GOLGA5: variants seen among roughly 807,000 people sequenced by gnomAD.
GOLGA5 encodes golgin A5.
A neutral mutation model predicts 93.5 loss-of-function variants in GOLGA5; 50 were observed. The observed-to-expected ratio is 0.53, with a 90% CI of 0.43 to 0.68. The LOEUF (loss-of-function observed/expected upper bound fraction) is 0.68. Among genes scored for constraint, GOLGA5 ranks in the 30% least tolerant of loss-of-function variants. GOLGA5 has a pLI of 0.00. For synonymous variants in GOLGA5, 312 were observed against 304.5 expected (o/e 1.02, Z -0.26); for missense variants, 760 against 856.4 (o/e 0.89, Z 1.40).
intron 2 of GOLGA5, among the ~76,000 whole-genome samples, chr14:92,799,667 C>T (rs993176147): frequency 1.3e-5 from 2 of 151,798 alleles, no homozygotes; most frequent in African/African-American, 2.4e-5. Context: ...AGTGCAGTGA[C>T]GCGATCTTAG....
At position 92,831,873 on chromosome 14, in the gene GOLGA5, A is replaced by T. The variant is rs888229325; in HGVS notation, c.1720-1249A>T. On this transcript the variant is annotated intron_variant, in intron 9 of 12. Coordinates refer to ENST00000163416, the MANE Select transcript of GOLGA5 (RefSeq NM_005113.4). ...ACAGGTACCATATTAGGTGTTTTAT[A>T]TGTTAATTTAAGTAAGCATCATATC... is the stretch of plus-strand genomic sequence containing the variant. 2.6e-5 allele frequency among the ~76,000 whole-genome samples: 4 copies of T among 152,316 alleles called. No homozygotes were observed. In the South Asian group the frequency reaches 8.3e-4, roughly 32 times the overall value.
In GOLGA5 at chr14:92,839,556, T is replaced by C; in HGVS notation, c.*110T>C. ...ACAGTGCACAAGATTATTTTATCAC[T>C]ACAAGCTTTTAACTTTTTAAGTTAT... On this transcript the variant is annotated 3_prime_UTR_variant, in exon 13 of 13. Coordinates refer to ENST00000163416, the MANE Select transcript of GOLGA5 (RefSeq NM_005113.4). 1 of 672,674 alleles carries C rather than the reference T, an allele frequency of 1.5e-6. No individual in the cohort carries two copies. The highest frequency in any genetic ancestry group is 2.6e-6 in the Non-Finnish European group (1 of 379,366). 41.7% of individuals were successfully genotyped at this position (672,674 alleles called of 1,614,324 possible).
chr14:92,812,971 G>C (rs1454195064), intron 6 of GOLGA5, among the ~76,000 whole-genome samples: 24 of 152,150 alleles, frequency 1.6e-4, no homozygotes, highest in Non-Finnish European at 4.4e-5. Context: ...GCTGCCTACT[G>C]TGCAGGCATG....
intron 2 of GOLGA5, among the ~76,000 whole-genome samples, chr14:92,798,196 A>G (rs1884780752): frequency 6.6e-6 from 1 of 152,186 alleles, no homozygotes; most frequent in African/African-American, 2.4e-5. Flanking sequence ...TCTGGAGGGC[A>G]ACTTCACCCA....
Position 92,797,876 on chromosome 14 carries a change from A to G in GOLGA5, c.439A>G (p.Thr147Ala). Residue 147 changes from threonine (T) to alanine (A), a missense_variant, in exon 2 of 13, where the codon ACA becomes GCA. By Grantham distance (58) the Thr-to-Ala change is moderately conservative. Transcript: ENST00000163416. ...RVEIRKEKGK[T>A]PVFQSSQTSS... ...GGAAATCAGAAAGGAAAAAGGCAAG[A>G]CACCTGTCTTTCAGAGCTCTCAGAC... 1 of 1,612,866 alleles carries G rather than the reference A, an allele frequency of 6.2e-7. No homozygotes were observed.
At chr14:92,798,642 G>T (rs577529278) in intron 2 of GOLGA5, among the ~76,000 whole-genome samples, 1 of 152,234 alleles carries the variant, frequency 6.6e-6, no homozygotes, top group South Asian at 2.1e-4. Context: ...TAGGCTGGGC[G>T]TGGTGGCTTA....
At position 92,830,800 on chromosome 14, in the gene GOLGA5, A is replaced by AT. The variant is rs1222226868; in HGVS notation, c.1720-2321dup. Among the ~76,000 whole-genome samples the AT allele has an allele frequency of 3.9e-5, 6 of 152,074 alleles. No individual in the cohort carries two copies. In the East Asian group the frequency reaches 1.2e-3, roughly 29 times the overall value. ...TTTTTTGTAGAGGTGGGGTCTTATT[A>AT]TGTTGCCCAAGCTGGTTTTGAACTC... On this transcript the variant is annotated intron_variant, in intron 9 of 12. Coordinates refer to ENST00000163416, the MANE Select transcript of GOLGA5 (RefSeq NM_005113.4).
At chr14:92,798,443 G>A (rs1483364540) in intron 2 of GOLGA5, among the ~76,000 whole-genome samples, 1 of 152,176 alleles carries the variant, frequency 6.6e-6, no homozygotes, top group East Asian at 1.9e-4. Flanking sequence ...CTGAGAGACT[G>A]AACTTTGATC....
In GOLGA5 at chr14:92,798,070, T is replaced by C. The variant is rs759991894; in HGVS notation, c.544+89T>C. The C allele has an allele frequency of 7.4e-5, 65 of 882,174 alleles. 2 individuals are homozygous for C. Among genetic ancestry groups the C allele is most frequent in the East Asian group, 6.0e-4 (25 of 41,484 alleles). The allele number at this position is 882,174 out of a possible 1,614,324, so 54.6% of individuals were successfully genotyped here. A position where few individuals can be genotyped will look rare whatever the true frequency, so the allele number is the denominator to read the frequency against. ...CGATGGTGTTTCTCATCTACTGTTA[T>C]GGAATCTGTCTCCACTGGTGTAAGG... is the stretch of plus-strand genomic sequence containing the variant. On this transcript the variant is annotated intron_variant, in intron 2 of 12. Transcript: ENST00000163416.
intron 3 of GOLGA5, among the ~76,000 whole-genome samples, chr14:92,807,779 T>G (rs776278398): frequency 2.1e-4 from 31 of 147,222 alleles, no homozygotes; most frequent in Non-Finnish European, 3.9e-4. Context: ...AGGTAGTGAC[T>G]GAGGAAGATG....
intron 9 of GOLGA5, among the ~76,000 whole-genome samples, chr14:92,830,135 A>G (rs1055961057): frequency 2.6e-5 from 4 of 152,166 alleles, no homozygotes; most frequent in Non-Finnish European, 5.9e-5. Context: ...CCTGACCAAC[A>G]TGGTGAAACC....
chr14:92,810,984 C>T (rs1447388067), intron 5 of GOLGA5, among the ~76,000 whole-genome samples: 6 of 152,204 alleles, frequency 3.9e-5, no homozygotes, highest in Non-Finnish European at 8.8e-5. Context: ...AGCTTTTCAA[C>T]AGGTGAAAGT....
At chr14:92,838,755 T>C (rs935844839) in intron 12 of GOLGA5, among the ~76,000 whole-genome samples, 4 of 151,960 alleles carry the variant, frequency 2.6e-5, no homozygotes, top group African/African-American at 9.7e-5. Flanking sequence ...CCCAGAGGGG[T>C]TGATTTCCCA....
intron 8 of GOLGA5, among the ~76,000 whole-genome samples, chr14:92,824,048 T>G (rs2140329425): frequency 6.6e-6 from 1 of 152,288 alleles, no homozygotes; most frequent in African/African-American, 2.4e-5. Context: ...TTTTATATAT[T>G]GTTTTATATT....
intron 2 of GOLGA5, among the ~76,000 whole-genome samples, chr14:92,804,837 AG>A (rs1884950094): frequency 6.6e-6 from 1 of 151,646 alleles, no homozygotes; most frequent in South Asian, 2.1e-4. Flanking sequence ...TAGTAGAAAC[AG>A]GGTTTCACTA....
chr14:92,797,829 A>G lies in GOLGA5; in HGVS notation c.392A>G (p.Gln131Arg). Residue 131 changes from glutamine (Q) to arginine (R), a missense_variant, in exon 2 of 13, where the codon CAG (glutamine) becomes CGG (arginine). Gln to Arg is a conservative substitution (Grantham distance 43, BLOSUM62 1). Transcript: ENST00000163416. ...CTGTTTGATTTTCTTAATAGTTCAC[A>G]GAAGGAGCCTACCGGGAGGGTGGAA... ...ELLFDFLNSS[Q>R]KEPTGRVEIR... 6.2e-7 allele frequency: 1 copy of G among 1,614,140 alleles called. No individual in the cohort carries two copies. Among genetic ancestry groups the G allele is most frequent in the African/African-American group, 1.3e-5 (1 of 75,044 alleles).
intron 12 of GOLGA5, among the ~76,000 whole-genome samples, chr14:92,838,443 C>A (rs1885690813): frequency 6.6e-6 from 1 of 152,062 alleles, no homozygotes; most frequent in African/African-American, 2.4e-5. Flanking sequence ...TCTTGGCTCA[C>A]TGCATTCTCC....
In GOLGA5 at chr14:92,797,491, T is replaced by A. The variant is rs1285901053; in HGVS notation, c.54T>A (p.Val18=). 1 of 1,612,630 alleles carries A rather than the reference T, an allele frequency of 6.2e-7. No individual in the cohort carries two copies. The highest frequency in any genetic ancestry group is 8.5e-7 in the Non-Finnish European group (1 of 1,179,528). ...AGKAEDLLNR[V]DQGAATALSR... is the part of the protein sequence containing the mutation. The stretch of plus-strand genomic sequence containing the variant: ...AGGCAGAAGATCTTTTAAACCGAGT[T>A]GATCAAGGGGCTGCAACAGCTCTCA... Residue 18 remains valine, a synonymous_variant, in exon 2 of 13, where the codon GTT becomes GTA. Coordinates refer to ENST00000163416, the MANE Select transcript of GOLGA5 (RefSeq NM_005113.4).
chr14:92,797,157 C>T (rs1319790546), intron 1 of GOLGA5, among the ~76,000 whole-genome samples: 1 of 151,872 alleles, frequency 6.6e-6, no homozygotes, highest in Admixed American at 6.5e-5. Flanking sequence ...TATTATGTGC[C>T]AAGCATTTTG....
Sources: allele counts gnomAD v4.1 joint callset (sites outside exome capture counted in the v4.1 genomes callset), GRCh38; gene constraint gnomAD v4.1.1; transcripts MANE v1.5; gene names NCBI Gene and HGNC (gene_info 2026-07-23, HGNC 2026-07-21).